NUP42: variants seen among roughly 807,000 people sequenced by gnomAD.
NUP42 encodes the protein nucleoporin 42, also known as nucleoporin NUP42.
NUP42 carries 47 observed loss-of-function variants against 35.9 expected under a neutral mutation model. The observed-to-expected ratio is 1.31, with a 90% confidence interval of 1.04 to 1.67. NUP42 has a LOEUF of 1.67. NUP42 is among the 40% of genes most tolerant of loss of function. NUP42 has a pLI of 0.00. For synonymous variants in NUP42, 173 were observed against 173.3 expected (o/e 1.00, Z 0.01); for missense variants, 514 against 492.2 (o/e 1.04, Z -0.42).
chr7:23,192,546 CAAAAA>C (rs200047613), intron 3 of NUP42, among the ~76,000 whole-genome samples: 3 of 65,314 alleles, frequency 4.6e-5, no homozygotes, highest in African/African-American at 9.4e-5. Flanking sequence ...GACTTCATCT[CAAAAA>C]AAAAAAAAAA....
At chr7:23,183,660 T>G (rs1017856591) in intron 1 of NUP42, among the ~76,000 whole-genome samples, 2 of 150,852 alleles carry the variant, frequency 1.3e-5, no homozygotes, top group Non-Finnish European at 2.9e-5. Flanking sequence ...CTGATGAATG[T>G]GAGTGTAAAC....
At chr7:23,198,253 C>T (rs1786086571) in intron 5 of NUP42, 1 of 131,846 alleles carries the variant, frequency 7.6e-6, no homozygotes, top group African/African-American at 3.1e-5. Flanking sequence ...CACTCTGTCA[C>T]CCAGGCTGGA....
chr7:23,187,936 GTC>G (rs138098011), intron 3 of NUP42: 9,105 of 466,662 alleles, frequency 0.02, no homozygotes, highest in South Asian at 0.046. Flanking sequence ...AATATTCTCT[GTC>G]TCTCTCTCTC....
At chr7:23,194,174 A>C (rs1785924489) in intron 3 of NUP42, among the ~76,000 whole-genome samples, 1 of 152,220 alleles carries the variant, frequency 6.6e-6, no homozygotes, top group Non-Finnish European at 1.5e-5. Context: ...AGGGGCTCCC[A>C]CAGTGCAGCG....
chr7:23,199,334 G>A (rs1023072893), intron 5 of NUP42, 124 bp from the exon 6 acceptor site: 1 of 738,618 alleles, frequency 1.4e-6, no homozygotes, highest in African/African-American at 1.8e-5. Context: ...TTACAGGTGT[G>A]AGCCACCACA....
At chr7:23,186,471 C>T (rs140514755) in intron 2 of NUP42, among the ~76,000 whole-genome samples, 65 of 152,298 alleles carry the variant, frequency 4.3e-4, no homozygotes, top group Non-Finnish European at 7.4e-5. Context: ...CTACCCACGG[C>T]ATTACCACAG....
At chr7:23,195,784 A>T in intron 3 of NUP42, 55 bp from the exon 4 acceptor site, 1 of 1,141,430 alleles carries the variant, frequency 8.8e-7, no homozygotes, top group Non-Finnish European at 1.3e-6. Context: ...CTCTAGCTTT[A>T]CTATCAAAAT....
chr7:23,185,154 G>C lies in NUP42; in HGVS notation c.206G>C (p.Trp69Ser), dbSNP rs1554295346. Residue 69 changes from tryptophan to serine, a missense_variant, in exon 2 of 7, where the codon TGG (tryptophan) becomes TCG (serine). By Grantham distance (177) the Trp-to-Ser change is radical. Transcript: ENST00000258742. Reference protein sequence around the residue: ...QPSSFSKSTPWGGSRDQEKPY... With the variant: ...QPSSFSKSTPSGGSRDQEKPY... ...TCCAGTTTCTCCAAATCCACACCAT[G>C]GGGGGGCAGCAGAGATCAAGAAAAG... 2.3e-5 allele frequency: 37 copies of C among 1,613,828 alleles called. No individual in the cohort carries two copies. In the South Asian group the frequency reaches 3.3e-4, roughly 14 times the overall value.
At position 23,196,689 on chromosome 7, in the gene NUP42, G is replaced by A. The variant is rs769693804; in HGVS notation, c.532G>A (p.Val178Ile). 1.9e-6 allele frequency: 3 copies of A among 1,608,954 alleles called. No individual in the cohort carries two copies. The change falls in exon 5 of 7, where the codon GTC (valine) becomes ATC (isoleucine). Residue 178 changes from valine to isoleucine, a missense_variant. Transcript: ENST00000258742. The part of the protein sequence containing the change: ...SNNLQSYLNS[V>I]QRLINQWRNR... ...TGTCTTCCGTTTTCAGCTAAATTCT[G>A]TCCAACGTTTAATAAATCAATGGAG...
At chr7:23,193,977 G>A (rs1205112786) in intron 3 of NUP42, among the ~76,000 whole-genome samples, 1 of 152,244 alleles carries the variant, frequency 6.6e-6, no homozygotes, top group Non-Finnish European at 1.5e-5. Flanking sequence ...TGGCCCGGGT[G>A]CTAAGCTTCT....
intron 1 of NUP42, among the ~76,000 whole-genome samples, chr7:23,182,805 T>C (rs1251734187): frequency 7.2e-6 from 1 of 139,414 alleles, no homozygotes; most frequent in Non-Finnish European, 1.5e-5. Context: ...TCCCAGCTAC[T>C]CATGAGGCTG....
At chr7:23,195,638 A>G (rs1785986348) in intron 3 of NUP42, 2 of 427,496 alleles carry the variant, frequency 4.7e-6, no homozygotes, top group Non-Finnish European at 8.2e-6. Flanking sequence ...TTCCCCATTT[A>G]AAGATCAGAA....
intron 3 of NUP42, 32 bp downstream of exon 3, chr7:23,187,178 G>T (rs1417605272): frequency 1.4e-6 from 2 of 1,394,170 alleles, no homozygotes; most frequent in Non-Finnish European, 2.0e-6. Flanking sequence ...TTTAAAGTAT[G>T]TTCTAAAACT....
chr7:23,200,753 A>T lies in NUP42; in HGVS notation c.*8A>T, dbSNP rs1786198124. Reference sequence around the variant, plus strand: ...GAACTTCTAAATGTTTAAAAGGGCAATTTTAAATACAAAAAAGAATGATGT... The same window carrying T: ...GAACTTCTAAATGTTTAAAAGGGCATTTTTAAATACAAAAAAGAATGATGT... On this transcript the variant is annotated 3_prime_UTR_variant, in exon 7 of 7. Coordinates refer to ENST00000258742, the MANE Select transcript of NUP42 (RefSeq NM_007342.3). 1 of 1,525,686 alleles carries T rather than the reference A, an allele frequency of 6.6e-7. No homozygotes were observed. The highest frequency in any genetic ancestry group is 8.8e-7 in the Non-Finnish European group (1 of 1,135,410). 94.5% of individuals were successfully genotyped at this position (1,525,686 alleles called of 1,614,324 possible).
At chr7:23,188,291 A>C (rs968127699) in intron 3 of NUP42, 2 of 1,201,422 alleles carry the variant, frequency 1.7e-6, no homozygotes, top group African/African-American at 3.2e-5. Context: ...CTTTTGTGCT[A>C]AGTGCTAGGA....
intron 3 of NUP42, among the ~76,000 whole-genome samples, chr7:23,190,180 A>G (rs1000873933): frequency 1.3e-5 from 2 of 152,196 alleles, no homozygotes; most frequent in African/African-American, 2.4e-5. Context: ...TATCAAAGAA[A>G]AATGTCCACA....
chr7:23,192,675 G>A (rs1453784462), intron 3 of NUP42, among the ~76,000 whole-genome samples: 1 of 152,152 alleles, frequency 6.6e-6, no homozygotes, highest in Non-Finnish European at 1.5e-5. Flanking sequence ...CAGAGGGATA[G>A]GTGGGTGTGG....
intron 3 of NUP42, among the ~76,000 whole-genome samples, chr7:23,192,101 ATATTTCT>A (rs1671777018): frequency 6.6e-6 from 1 of 152,216 alleles, no homozygotes; most frequent in Non-Finnish European, 1.5e-5. Context: ...ACACACAAAC[ATATTTCT>A]TGTTTATGTA....
In NUP42 at chr7:23,199,494, C is replaced by G. The variant is rs766197271; in HGVS notation, c.646C>G (p.Pro216Ala). 10 of 1,613,990 alleles carry G rather than the reference C, an allele frequency of 6.2e-6. No homozygotes were observed. In the Admixed American group the frequency reaches 1.5e-4, roughly 24 times the overall value. ...DVKDGVNQAAPAFGFGSSQAA... is the reference protein window; with the variant it reads ...DVKDGVNQAAAAFGFGSSQAA... ...AAAGGATGGAGTAAATCAAGCAGCA[C>G]CTGCATTTGGATTTGGCAGCAGTCA... Residue 216 changes from proline to alanine, a missense_variant, in exon 6 of 7, where the codon CCT (proline) becomes GCT (alanine). Physicochemically the swap from Pro to Ala is conservative, Grantham distance 27. Coordinates refer to ENST00000258742, the MANE Select transcript of NUP42 (RefSeq NM_007342.3).
Sources: gnomAD v4.1 joint callset for allele counts (sites outside exome capture counted in the v4.1 genomes callset) on GRCh38, gnomAD v4.1.1 for gene constraint, MANE v1.5 for transcripts, NCBI Gene and HGNC (gene_info 2026-07-23, HGNC 2026-07-21) for gene names.